Variants in SLC8A2 observed in about 807,000 individuals in gnomAD.
SLC8A2 encodes the protein sodium/calcium exchanger 2.
A neutral mutation model predicts 70.2 loss-of-function variants in SLC8A2; 14 were observed. The ratio of observed to expected loss-of-function variants is 0.20; its 90% CI spans 0.13 to 0.31. The LOEUF (loss-of-function observed/expected upper bound fraction) is 0.31. Among genes scored for constraint, SLC8A2 ranks in the 10% least tolerant of loss-of-function variants. The pLI is 1.00. For synonymous variants in SLC8A2, 575 were observed against 594.3 expected, an observed-to-expected ratio of 0.97 and a Z score of 0.47; for missense variants, 779 against 1,320.1, an observed-to-expected ratio of 0.59 and a Z score of 6.35.
chr19:47,450,299 G>T (rs1967219299), intron 3 of SLC8A2, among the ~76,000 whole-genome samples: 1 of 152,160 alleles, frequency 6.6e-6, no homozygotes, highest in East Asian at 1.9e-4. Context: ...GAAGTGAATG[G>T]ATGACTTGAG....
At chr19:47,445,313 T>C (rs529990602) in intron 4 of SLC8A2, among the ~76,000 whole-genome samples, 1 of 152,300 alleles carries the variant, frequency 6.6e-6, no homozygotes, top group African/African-American at 2.4e-5. Context: ...TTCATCATAT[T>C]GGTCAGGCTG....
rs972401953 is a variant in SLC8A2 at position 47,468,236 on chromosome 19, C to T, written c.-16-1817G>A. ...TCCTCCCCTCTGCTCCTCAGCCTCA[C>T]CAGACAAGCTTCTGCCTTGGAGCCC... On this transcript the variant is annotated intron_variant, in intron 1 of 9. Coordinates refer to ENST00000236877, the MANE Select transcript of SLC8A2 (RefSeq NM_015063.3). The surrounding 1 kb of genome is among the most constrained non-coding windows in gnomAD (Gnocchi z 5.1). Among the ~76,000 whole-genome samples, 1 of 152,098 alleles carries T rather than the reference C, an allele frequency of 6.6e-6. No individual in the cohort carries two copies. Among genetic ancestry groups the T allele is most frequent in the Admixed American group, 6.6e-5 (1 of 15,256 alleles).
chr19:47,437,738 G>C (rs921355245), intron 7 of SLC8A2, 111 bp downstream of exon 7: 2 of 1,353,208 alleles, frequency 1.5e-6, no homozygotes, highest in East Asian at 4.6e-5. Flanking sequence ...TCCTGACGTG[G>C]GACCCTTCTT....
intron 2 of SLC8A2, among the ~76,000 whole-genome samples, chr19:47,462,549 C>A (rs537295797): frequency 1.3e-5 from 2 of 151,640 alleles, no homozygotes; most frequent in African/African-American, 4.8e-5. Context: ...CAGGCATGAG[C>A]CTTTGCGCCC....
chr19:47,465,662 C>T lies in SLC8A2; in HGVS notation c.675+67G>A. 1 of 1,357,836 alleles carries T rather than the reference C, an allele frequency of 7.4e-7. No homozygotes were observed. The highest frequency in any genetic ancestry group is 1.0e-6 in the Non-Finnish European group (1 of 993,760). 84.1% of individuals were successfully genotyped at this position (1,357,836 alleles called of 1,614,324 possible). On this transcript the variant is annotated intron_variant, in intron 2 of 9. Coordinates refer to ENST00000236877, the MANE Select transcript of SLC8A2 (RefSeq NM_015063.3). The surrounding 1 kb of genome is among the most constrained non-coding windows in gnomAD (Gnocchi z 5.5). ...AAATACAGCAATCAACACTCCAAGCCAAGAGCACCTCTCTGGATTTTGCAG... is the reference window on the plus strand; with the variant it reads ...AAATACAGCAATCAACACTCCAAGCTAAGAGCACCTCTCTGGATTTTGCAG...
In SLC8A2 at chr19:47,465,746, A is replaced by T. The variant is rs1469193949; in HGVS notation, c.658T>A (p.Ser220Thr). ...TTGCTCACCTGGACCACACCGGGGG[A>T]AAAAACAGCAAGGATGAGATAAAGC... ...VWLYLILAVF[S>T]PGVVQVWEAL... Residue 220 changes from serine (S) to threonine (T), a missense_variant, in exon 2 of 10, where the codon TCC becomes ACC. Coordinates refer to ENST00000236877, the MANE Select transcript of SLC8A2 (RefSeq NM_015063.3). The surrounding 1 kb of genome is among the most constrained non-coding windows in gnomAD (Gnocchi z 5.5). The T allele has an allele frequency of 1.9e-6, 3 of 1,610,814 alleles. No individual in the cohort carries two copies. The highest frequency in any genetic ancestry group is 2.2e-5 in the East Asian group (1 of 44,840).
intron 6 of SLC8A2, 53 bp downstream of exon 6, chr19:47,441,104 ACCCTCCCCCAGG>A (rs1480190294): frequency 6.7e-7 from 1 of 1,493,436 alleles, no homozygotes; most frequent in African/African-American, 1.4e-5. Flanking sequence ...TGGGGCTGGG[ACCCTCCCCCAGG>A]CCCTCTTCCA....
rs1302257588 is a variant in SLC8A2, at chr19:47,466,346, C to T, written c.58G>A (p.Gly20Arg). The change falls in exon 2 of 10, where the codon GGG (glycine) becomes AGG (arginine). Residue 20 changes from glycine (G) to arginine (R), a missense_variant. Transcript: ENST00000236877. This position sits in a 1 kb window ranked among gnomAD's most constrained non-coding sequence, Gnocchi z 6.9. ...AGGGAGGGGGTTGGGGTGGCTGCCC[C>T]GGAGCATGGGGGAGCCGCCAGGAGG... ...TLLLAAPPCSGAATPTPSLPP... is the reference protein window; with the variant it reads ...TLLLAAPPCSRAATPTPSLPP... 10 of 1,457,296 alleles carry T rather than the reference C, an allele frequency of 6.9e-6. No homozygotes were observed. Among genetic ancestry groups the T allele is most frequent in the East Asian group, 5.0e-5 (2 of 40,214 alleles). The allele number at this position is 1,457,296 out of a possible 1,614,324, so 90.3% of individuals were successfully genotyped here. A position where few individuals can be genotyped will look rare whatever the true frequency, so the allele number is the denominator to read the frequency against.
intron 1 of SLC8A2, among the ~76,000 whole-genome samples, chr19:47,467,081 A>G (rs1348279081): frequency 1.3e-5 from 2 of 152,128 alleles, no homozygotes; most frequent in Non-Finnish European, 2.9e-5. Context: ...TGTTCATAGC[A>G]GCTTTATTTA....
At chr19:47,460,499 A>G (rs1967380615) in intron 2 of SLC8A2, among the ~76,000 whole-genome samples, 1 of 151,474 alleles carries the variant, frequency 6.6e-6, no homozygotes, top group Admixed American at 6.6e-5. Flanking sequence ...GGAGTTCGAG[A>G]CCAGCCTGGC....
intron 3 of SLC8A2, among the ~76,000 whole-genome samples, chr19:47,454,056 G>C (rs368758461): frequency 8.9e-4 from 136 of 152,346 alleles, no homozygotes; most frequent in African/African-American, 3.0e-3. Context: ...TGAGATGGGA[G>C]GATCACTTGA....
rs1234048780 is a variant in SLC8A2 at position 47,432,416 on chromosome 19, G to C, written c.2140C>G (p.Arg714Gly). The C allele has an allele frequency of 4.6e-5, 74 of 1,606,984 alleles. 1 individual carries two copies. Among genetic ancestry groups the C allele is most frequent in the Non-Finnish European group, 6.2e-5 (73 of 1,176,268 alleles). Reference sequence around the variant, plus strand: ...AAGCACGACGGCAGCCGCTCCTCCCGGGACCCGTCCTCCTCCTCCTCCTCG... The same window carrying C: ...AAGCACGACGGCAGCCGCTCCTCCCCGGACCCGTCCTCCTCCTCCTCCTCG... ...GDEEEEEDGS[R>G]EERLPSCFDY... Residue 714 changes from arginine (R) to glycine (G), a missense_variant, in exon 9 of 10, where the codon CGG (arginine) becomes GGG (glycine). Arg to Gly is a moderately radical substitution (Grantham distance 125). Transcript: ENST00000236877. This position sits in a 1 kb window ranked among gnomAD's most constrained non-coding sequence, Gnocchi z 6.2.
In SLC8A2 at chr19:47,460,315, G is replaced by A. The variant is rs115010988; in HGVS notation, c.676-2721C>T. On this transcript the variant is annotated intron_variant, in intron 2 of 9. Transcript: ENST00000236877. ...GTCTCATCTCTTGGTCTATACAATG[G>A]GGACATTTCCAAGACTGAATGAGCA... is the stretch of plus-strand genomic sequence containing the variant. Among the ~76,000 whole-genome samples, 445 of 152,262 alleles carry A rather than the reference G, an allele frequency of 2.9e-3. 3 individuals are homozygous for A. Among genetic ancestry groups the A allele is most frequent in the African/African-American group, 0.01 (417 of 41,546 alleles).
intron 7 of SLC8A2, 73 bp downstream of exon 7, chr19:47,437,775 TC>T: frequency 6.3e-7 from 1 of 1,575,046 alleles, no homozygotes. Context: ...ACCTTGTGGC[TC>T]CCCGCTTTCC....
At chr19:47,442,269 C>T (rs1275813173) in intron 4 of SLC8A2, among the ~76,000 whole-genome samples, 1 of 152,198 alleles carries the variant, frequency 6.6e-6, no homozygotes, top group African/African-American at 2.4e-5. Flanking sequence ...TCCCATGCTT[C>T]AGCCTCACCG....
At chr19:47,439,654 CCTCT>C (rs1045083281) in intron 6 of SLC8A2, among the ~76,000 whole-genome samples, 4 of 150,712 alleles carry the variant, frequency 2.7e-5, no homozygotes, top group African/African-American at 7.3e-5. Flanking sequence ...CCCCTCCCTC[CCTCT>C]CTCTCTCTCT....
At chr19:47,463,299 A>AT (rs1416427005) in intron 2 of SLC8A2, among the ~76,000 whole-genome samples, 91 of 149,108 alleles carry the variant, frequency 6.1e-4, no homozygotes, top group Admixed American at 1.6e-3. Context: ...CGCCCGGCTA[A>AT]TTTTTTTGTA....
chr19:47,469,174 G>C (rs763333445), intron 1 of SLC8A2, among the ~76,000 whole-genome samples: 1 of 151,832 alleles, frequency 6.6e-6, no homozygotes, highest in Non-Finnish European at 1.5e-5. Flanking sequence ...GTGGGGGAGA[G>C]GGGTGATTCT....
At chr19:47,444,334 C>G (rs1038233016) in intron 4 of SLC8A2, among the ~76,000 whole-genome samples, 1 of 152,166 alleles carries the variant, frequency 6.6e-6, no homozygotes, top group Non-Finnish European at 1.5e-5. Flanking sequence ...CACACAAACA[C>G]GCACAAGACA....
Sources: allele counts gnomAD v4.1 joint callset (sites outside exome capture counted in the v4.1 genomes callset), GRCh38; gene constraint gnomAD v4.1.1; non-coding constraint Gnocchi (gnomAD v3.1); transcripts MANE v1.5; gene names NCBI Gene and HGNC (gene_info 2026-07-23, HGNC 2026-07-21).